The following ASIC2 variants were observed in gnomAD, a reference collection of about 807,000 sequenced individuals.
ASIC2 encodes acid-sensing ion channel 2.
Under a neutral mutation model 57.3 loss-of-function variants are expected in ASIC2, and 25 were observed. The ratio of observed to expected loss-of-function variants is 0.44; its 90% CI spans 0.32 to 0.61. The LOEUF is 0.61. Among genes scored for constraint, ASIC2 ranks in the 20% least tolerant of loss-of-function variants. The pLI is 0.06. For synonymous variants in ASIC2, 319 were observed against 307.5 expected, an observed-to-expected ratio of 1.04 and a Z score of -0.39; for missense variants, 641 against 738.1, an observed-to-expected ratio of 0.87 and a Z score of 1.52.
rs549957209 is a variant in ASIC2, at chr17:33,253,680, A to G, written c.708+37728T>C. Among the ~76,000 whole-genome samples the G allele has an allele frequency of 3.0e-4, 45 of 152,318 alleles. 1 individual carries two copies. The highest frequency in any genetic ancestry group is 3.4e-3 in the Middle Eastern group (1 of 294). Reference sequence around the variant, plus strand: ...GAGGATTTGCAGGTATGAGTGACCAACTAACTCCTGAGACTGGTTTTCACG... The same window carrying G: ...GAGGATTTGCAGGTATGAGTGACCAGCTAACTCCTGAGACTGGTTTTCACG... On this transcript the variant is annotated intron_variant, in intron 1 of 9. Transcript: ENST00000225823.
At chr17:34,046,718 G>C (rs1206376573) in intron 1 of ASIC2, among the ~76,000 whole-genome samples, 3 of 152,156 alleles carry the variant, frequency 2.0e-5, no homozygotes, top group Admixed American at 2.0e-4. Flanking sequence ...ATAGCAGCTG[G>C]GACTTAGAAA....
chr17:33,894,983 C>A (rs925031931), intron 1 of ASIC2, among the ~76,000 whole-genome samples: 2 of 152,124 alleles, frequency 1.3e-5, no homozygotes, highest in African/African-American at 4.8e-5. Context: ...GCCCACCCTG[C>A]AATTAGAGCC....
At chr17:34,030,342 C>T (rs1027459075) in intron 1 of ASIC2, among the ~76,000 whole-genome samples, 1 of 152,172 alleles carries the variant, frequency 6.6e-6, no homozygotes, top group African/African-American at 2.4e-5. Context: ...TGAGGGCCTA[C>T]TATCTGAATT....
intron 1 of ASIC2, among the ~76,000 whole-genome samples, chr17:33,629,917 A>G (rs1211146879): frequency 6.6e-6 from 1 of 152,234 alleles, no homozygotes; most frequent in Non-Finnish European, 1.5e-5. Flanking sequence ...CAGTACCATG[A>G]GGCTCAGCAA....
chr17:33,275,076 A>T (rs1293567363), intron 1 of ASIC2, among the ~76,000 whole-genome samples: 2 of 152,172 alleles, frequency 1.3e-5, no homozygotes, highest in Non-Finnish European at 1.5e-5. Context: ...AATGTTCTGC[A>T]AGTCTGCACC....
At chr17:33,380,526 C>G (rs896259181) in intron 1 of ASIC2, among the ~76,000 whole-genome samples, 1 of 152,172 alleles carries the variant, frequency 6.6e-6, no homozygotes, top group African/African-American at 2.4e-5. Context: ...CAACAGCCCA[C>G]GACAGAGACC....
At chr17:34,098,896 G>A (rs1045728503) in intron 1 of ASIC2, among the ~76,000 whole-genome samples, 1 of 152,030 alleles carries the variant, frequency 6.6e-6, no homozygotes, top group Non-Finnish European at 1.5e-5. Flanking sequence ...TGACTAATAA[G>A]TGATTTCCAT....
At chr17:33,928,118 T>C (rs980115413) in intron 1 of ASIC2, among the ~76,000 whole-genome samples, 4 of 152,214 alleles carry the variant, frequency 2.6e-5, no homozygotes, top group Admixed American at 1.3e-4. Context: ...TTTTGGTTTT[T>C]TTCCCCCTGC....
intron 1 of ASIC2, among the ~76,000 whole-genome samples, chr17:33,702,597 G>T (rs943561522): frequency 6.6e-6 from 1 of 152,118 alleles, no homozygotes; most frequent in African/African-American, 2.4e-5. Flanking sequence ...GAATTAGGGA[G>T]ATCCCTATGA....
chr17:33,827,509 T>C (rs1206904303), intron 1 of ASIC2, among the ~76,000 whole-genome samples: 6 of 148,664 alleles, frequency 4.0e-5, no homozygotes, highest in Non-Finnish European at 4.5e-5. Context: ...TTTTTGTCTT[T>C]TTTTTTTTGT....
intron 1 of ASIC2, among the ~76,000 whole-genome samples, chr17:33,473,753 T>C (rs1913128850): frequency 6.6e-6 from 1 of 152,146 alleles, no homozygotes; most frequent in South Asian, 2.1e-4. Context: ...TGTTCCAGTA[T>C]TGTGAGGTTT....
At chr17:34,115,551 G>A (rs1332848156) in intron 1 of ASIC2, among the ~76,000 whole-genome samples, 1 of 152,174 alleles carries the variant, frequency 6.6e-6, no homozygotes, top group East Asian at 1.9e-4. Flanking sequence ...GGCTTTAATT[G>A]TTTTTCATTC....
At chr17:33,486,614 A>G (rs1358400632) in intron 1 of ASIC2, among the ~76,000 whole-genome samples, 2 of 152,188 alleles carry the variant, frequency 1.3e-5, no homozygotes, top group Non-Finnish European at 2.9e-5. Context: ...ACCCTCCAAG[A>G]TGACAACTTA....
intron 1 of ASIC2, among the ~76,000 whole-genome samples, chr17:33,144,477 G>T (rs1166622398): frequency 6.6e-6 from 1 of 152,168 alleles, no homozygotes; most frequent in Non-Finnish European, 1.5e-5. Flanking sequence ...AACAGCACTT[G>T]AACCCTGTGA....
At chr17:33,502,316 T>C (rs1301651264) in intron 1 of ASIC2, among the ~76,000 whole-genome samples, 1 of 152,204 alleles carries the variant, frequency 6.6e-6, no homozygotes, top group Admixed American at 6.5e-5. Context: ...GAGATGTTCC[T>C]GCTGTGTCTG....
rs561077990 is a variant in ASIC2 at position 33,152,372 on chromosome 17, T to G, written c.709-40305A>C. 6.6e-5 allele frequency among the ~76,000 whole-genome samples: 10 copies of G among 152,272 alleles called. No individual in the cohort carries two copies. In the South Asian group the frequency reaches 2.1e-3, roughly 32 times the overall value. Reference sequence around the variant, plus strand: ...AGGTCGTGAATGCCAAGTGCTCTAGTGTTTCAGAGGTGGAGGAGATCCCTA... The same window carrying G: ...AGGTCGTGAATGCCAAGTGCTCTAGGGTTTCAGAGGTGGAGGAGATCCCTA... On this transcript the variant is annotated intron_variant, in intron 1 of 9. Transcript: ENST00000225823.
At chr17:33,429,510 C>T (rs2141977271) in intron 1 of ASIC2, among the ~76,000 whole-genome samples, 1 of 152,228 alleles carries the variant, frequency 6.6e-6, no homozygotes, top group East Asian at 1.9e-4. Flanking sequence ...CCTGCCTCAG[C>T]CTCCCGAGTA....
At chr17:34,044,200 G>A (rs910658931) in intron 1 of ASIC2, among the ~76,000 whole-genome samples, 1 of 151,912 alleles carries the variant, frequency 6.6e-6, no homozygotes, top group Non-Finnish European at 1.5e-5. Flanking sequence ...AAGAACTGAG[G>A]GCTGTGTTGC....
At chr17:33,192,162 C>T (rs925381319) in intron 1 of ASIC2, among the ~76,000 whole-genome samples, 1 of 152,124 alleles carries the variant, frequency 6.6e-6, no homozygotes, top group East Asian at 1.9e-4. Flanking sequence ...GAGACAAGAT[C>T]CTGAGGTCAG....
Sources: gnomAD v4.1 joint callset for allele counts (sites outside exome capture counted in the v4.1 genomes callset) on GRCh38, gnomAD v4.1.1 for gene constraint, MANE v1.5 for transcripts, NCBI Gene and HGNC (gene_info 2026-07-23, HGNC 2026-07-21) for gene names.